RBM20: variants seen among roughly 807,000 people sequenced by gnomAD.
The protein encoded by RBM20 is RNA binding motif protein 20.
RBM20 carries 51 observed loss-of-function variants against 110.1 expected under a neutral mutation model. The ratio of observed to expected loss-of-function variants is 0.46; its 90% CI spans 0.37 to 0.59. RBM20 has a LOEUF of 0.59. RBM20 is among the 20% of genes least tolerant of loss of function. The pLI is 0.00. For missense variants in RBM20, 1,512 were observed against 1,574.9 expected (o/e 0.96, Z 0.68); for synonymous variants, 589 against 618.2 (o/e 0.95, Z 0.70).
At chr10:110,783,926 C>T (rs1844386392) in intron 3 of RBM20, among the ~76,000 whole-genome samples, 1 of 152,236 alleles carries the variant, frequency 6.6e-6, no homozygotes, top group Non-Finnish European at 1.5e-5. Context: ...CCCCTGGCAA[C>T]CACCAATCTG....
chr10:110,669,596 T>C (rs1481504659), intron 1 of RBM20, among the ~76,000 whole-genome samples: 1 of 152,238 alleles, frequency 6.6e-6, no homozygotes, highest in African/African-American at 2.4e-5. Flanking sequence ...ACAGTACTTT[T>C]TAAAAAATGG....
intron 1 of RBM20, among the ~76,000 whole-genome samples, chr10:110,692,448 G>A (rs1351654233): frequency 6.6e-6 from 1 of 152,102 alleles, no homozygotes; most frequent in African/African-American, 2.4e-5. Context: ...GTAGTTTTCA[G>A]TGTAGAAGCC....
chr10:110,819,488 A>T (rs1332584085), intron 9 of RBM20, among the ~76,000 whole-genome samples: 1 of 152,182 alleles, frequency 6.6e-6, no homozygotes, highest in South Asian at 2.1e-4. Context: ...TCAATTGTTC[A>T]GTTTCACAGA....
intron 1 of RBM20, among the ~76,000 whole-genome samples, chr10:110,758,031 T>TTTTTTTTG: frequency 7.2e-6 from 1 of 138,458 alleles, no homozygotes; most frequent in Non-Finnish European, 1.6e-5. Flanking sequence ...TTTTTTTTTT[T>TTTTTTTTG]TTTTTTTGAG....
chr10:110,668,111 T>C (rs1862205624), intron 1 of RBM20, among the ~76,000 whole-genome samples: 1 of 152,162 alleles, frequency 6.6e-6, no homozygotes, highest in Non-Finnish European at 1.5e-5. Context: ...GTCAGGCCCT[T>C]CTTGCATCTA....
At chr10:110,833,265 T>A (rs1845079070) in intron 13 of RBM20, among the ~76,000 whole-genome samples, 1 of 151,652 alleles carries the variant, frequency 6.6e-6, no homozygotes, top group African/African-American at 2.4e-5. Flanking sequence ...GGCGCGCACC[T>A]ATAATCCAAG....
chr10:110,739,354 G>T lies in RBM20; in HGVS notation c.192-41447G>T, dbSNP rs1036898515. 6.6e-6 allele frequency among the ~76,000 whole-genome samples: 1 copy of T among 152,086 alleles called. No homozygotes were observed. The highest frequency in any genetic ancestry group is 1.5e-5 in the Non-Finnish European group (1 of 68,010). ...TGCCCACTCTGGGTTACTGTGTCTCGCACTGTCCTGGACACTAGGGATTCA... is the reference window on the plus strand; with the variant it reads ...TGCCCACTCTGGGTTACTGTGTCTCTCACTGTCCTGGACACTAGGGATTCA... On this transcript the variant is annotated intron_variant, in intron 1 of 13. Transcript: ENST00000369519. The surrounding 1 kb of genome is among the most constrained non-coding windows in gnomAD (Gnocchi z 4.1).
At chr10:110,702,705 C>T (rs1862777528) in intron 1 of RBM20, among the ~76,000 whole-genome samples, 1 of 152,218 alleles carries the variant, frequency 6.6e-6, no homozygotes, top group Admixed American at 6.5e-5. Context: ...GGGCGTAATG[C>T]AGAGATCTCA....
At chr10:110,694,567 A>G (rs1438166645) in intron 1 of RBM20, among the ~76,000 whole-genome samples, 2 of 152,210 alleles carry the variant, frequency 1.3e-5, no homozygotes, top group Non-Finnish European at 2.9e-5. Context: ...TAACCATTTC[A>G]TTGGAACAGG....
At chr10:110,733,810 AG>A (rs1202423826) in intron 1 of RBM20, among the ~76,000 whole-genome samples, 3 of 152,234 alleles carry the variant, frequency 2.0e-5, no homozygotes, top group African/African-American at 7.2e-5. Context: ...TCGCCTCTAA[AG>A]CAAGGTAATG....
At chr10:110,652,699 C>G (rs1405070678) in intron 1 of RBM20, among the ~76,000 whole-genome samples, 2 of 152,172 alleles carry the variant, frequency 1.3e-5, no homozygotes, top group African/African-American at 2.4e-5. Context: ...GAAGGTCACA[C>G]AGCGAGGGAG....
chr10:110,674,561 G>A (rs886784863), intron 1 of RBM20, among the ~76,000 whole-genome samples: 1 of 152,144 alleles, frequency 6.6e-6, no homozygotes, highest in East Asian at 1.9e-4. Flanking sequence ...CCCAAGTCTT[G>A]TAGATCACTT....
chr10:110,833,220 C>T (rs910620920), intron 13 of RBM20, among the ~76,000 whole-genome samples: 1 of 151,688 alleles, frequency 6.6e-6, no homozygotes, highest in Non-Finnish European at 1.5e-5. Context: ...GAAATCCCGT[C>T]TCTACTAAAA....
intron 6 of RBM20, 61 bp downstream of exon 6, chr10:110,797,709 A>G: frequency 6.7e-7 from 1 of 1,490,834 alleles, no homozygotes; most frequent in Admixed American, 2.1e-5. Flanking sequence ...GTGAAAGGGA[A>G]CGATATAATT....
At chr10:110,802,828 C>T (rs1844646728) in intron 7 of RBM20, among the ~76,000 whole-genome samples, 1 of 152,232 alleles carries the variant, frequency 6.6e-6, no homozygotes, top group Non-Finnish European at 1.5e-5. Context: ...GAACCACTGA[C>T]AACCATGTGA....
intron 1 of RBM20, among the ~76,000 whole-genome samples, chr10:110,734,985 C>T (rs12219056): frequency 0.15 from 22,180 of 152,154 alleles, 2,160 homozygotes; most frequent in East Asian, 0.27. Context: ...AATCATCCTT[C>T]TTCCAGTGTA....
rs559430293 is a variant in RBM20, at chr10:110,791,145, A to T, written c.1527+6256A>T. On this transcript the variant is annotated intron_variant, in intron 5 of 13. Transcript: ENST00000369519. Reference sequence around the variant, plus strand: ...TTAAGCCAAGATCCATAGCTACGGAATTTGCAACCATTTGCTATCTGCATG... The same window carrying T: ...TTAAGCCAAGATCCATAGCTACGGATTTTGCAACCATTTGCTATCTGCATG... 7.2e-5 allele frequency among the ~76,000 whole-genome samples: 11 copies of T among 152,360 alleles called. 1 individual carries two copies. Among genetic ancestry groups the T allele is most frequent in the African/African-American group, 2.6e-4 (11 of 41,582 alleles).
Position 110,780,822 on chromosome 10 carries a change from G to T in RBM20, c.213G>T (p.Lys71Asn). 6.5e-7 allele frequency: 1 copy of T among 1,530,870 alleles called. No individual in the cohort carries two copies. The highest frequency in any genetic ancestry group is 8.8e-7 in the Non-Finnish European group (1 of 1,134,824). 94.8% of individuals were successfully genotyped at this position (1,530,870 alleles called of 1,614,324 possible). A position where few individuals can be genotyped will look rare whatever the true frequency, so the allele number is the denominator to read the frequency against. Residue 71 changes from lysine (K) to asparagine (N), a missense_variant, in exon 2 of 14, where the codon AAG (lysine) becomes AAT (asparagine). By Grantham distance (94) the Lys-to-Asn change is moderately conservative. Transcript: ENST00000369519. ...IIQNAAKLLDKNPFSVSNPNP... is the reference protein window; with the variant it reads ...IIQNAAKLLDNNPFSVSNPNP... ...ACAGTGCCGCCAAGCTCCTGGACAA[G>T]AACCCATTCTCGGTCAGTAACCCGA...
intron 1 of RBM20, among the ~76,000 whole-genome samples, chr10:110,700,930 G>A (rs969262138): frequency 2.6e-5 from 4 of 152,100 alleles, no homozygotes; most frequent in East Asian, 1.9e-4. Flanking sequence ...CGGGAGAATC[G>A]CTTGAACCCG....
Sources: gnomAD v4.1 joint callset for allele counts (sites outside exome capture counted in the v4.1 genomes callset) on GRCh38, gnomAD v4.1.1 for gene constraint, Gnocchi (gnomAD v3.1) non-coding constraint, MANE v1.5 for transcripts, NCBI Gene and HGNC (gene_info 2026-07-23, HGNC 2026-07-21) for gene names.